The following PTPRD variants were observed in gnomAD, a reference collection of about 807,000 sequenced individuals.
PTPRD encodes protein tyrosine phosphatase receptor type D.
A neutral mutation model predicts 214.5 loss-of-function variants in PTPRD; 34 were observed. The ratio of observed to expected loss-of-function variants is 0.16; its 90% CI spans 0.12 to 0.21. PTPRD has a LOEUF of 0.21. Among genes scored for constraint, PTPRD ranks in the 10% least tolerant of loss-of-function variants. The probability of loss-of-function intolerance (pLI) is 1.00; values close to 1 mark genes in which losing one functional copy is unlikely to be tolerated. For synonymous variants in PTPRD, 1,128 were observed against 845.7 expected (o/e 1.33, Z -5.79); for missense variants, 2,545 against 2,398.7 (o/e 1.06, Z -1.27).
intron 4 of PTPRD, among the ~76,000 whole-genome samples, chr9:9,990,528 G>A (rs1437940677): frequency 2.0e-5 from 3 of 152,312 alleles, no homozygotes; most frequent in Non-Finnish European, 2.9e-5. Flanking sequence ...CAGTGGCCAA[G>A]CAGAGCGGAA....
intron 4 of PTPRD, among the ~76,000 whole-genome samples, chr9:10,014,673 G>A (rs972749922): frequency 6.6e-6 from 1 of 152,010 alleles, no homozygotes; most frequent in African/African-American, 2.4e-5. Context: ...AATGAAACGT[G>A]AAATAAGAAT....
At chr9:10,117,356 G>A (rs563847582) in intron 3 of PTPRD, among the ~76,000 whole-genome samples, 3 of 152,174 alleles carry the variant, frequency 2.0e-5, no homozygotes, top group South Asian at 4.1e-4. Flanking sequence ...TATGGACAAT[G>A]TATTAATTTC....
intron 7 of PTPRD, among the ~76,000 whole-genome samples, chr9:9,646,346 T>TGTGG (rs1564284164): frequency 2.7e-5 from 4 of 145,718 alleles, no homozygotes; most frequent in African/African-American, 1.0e-4. Context: ...TGTGTGTGGG[T>TGTGG]GTGTGTGTGT....
At chr9:8,504,441 A>C in intron 22 of PTPRD, 36 bp from the exon 23 acceptor site, 1 of 1,611,532 alleles carries the variant, frequency 6.2e-7, no homozygotes, top group Non-Finnish European at 8.5e-7. Flanking sequence ...ATCTTCATTA[A>C]GGTTCATGCA....
Position 8,595,823 on chromosome 9 carries a change from G to A in PTPRD, c.352+37494C>T, listed in dbSNP as rs79979689. ...AAGTAATGATGCGTAATCCATGTGT[G>A]TTGACTTTTAAAAATTCCTGCTCTA... is the stretch of plus-strand genomic sequence containing the variant. On this transcript the variant is annotated intron_variant, in intron 14 of 45. Coordinates refer to ENST00000381196, the MANE Select transcript of PTPRD (RefSeq NM_002839.4). 6.6e-3 allele frequency among the ~76,000 whole-genome samples: 1,006 copies of A among 152,288 alleles called. 7 individuals are homozygous for A. The highest frequency in any genetic ancestry group is 0.021 in the African/African-American group (870 of 41,572).
intron 2 of PTPRD, among the ~76,000 whole-genome samples, chr9:10,550,299 C>G (rs1262252945): frequency 1.3e-5 from 2 of 152,086 alleles, no homozygotes; most frequent in Non-Finnish European, 2.9e-5. Context: ...AATTTAGATT[C>G]AGAGGATACA....
At chr9:8,807,061 G>A (rs1211872161) in intron 11 of PTPRD, among the ~76,000 whole-genome samples, 2 of 152,172 alleles carry the variant, frequency 1.3e-5, no homozygotes, top group African/African-American at 2.4e-5. Context: ...AGTAGGCCAG[G>A]CACAGTGGCT....
intron 2 of PTPRD, among the ~76,000 whole-genome samples, chr9:10,453,218 T>C (rs1384034586): frequency 6.6e-6 from 1 of 151,826 alleles, no homozygotes; most frequent in Non-Finnish European, 1.5e-5. Context: ...TTGATTACTA[T>C]AGACTTGTAA....
intron 11 of PTPRD, among the ~76,000 whole-genome samples, chr9:8,814,032 T>A (rs1346613881): frequency 6.6e-6 from 1 of 152,220 alleles, no homozygotes; most frequent in Non-Finnish European, 1.5e-5. Flanking sequence ...TTGCCAGGCA[T>A]GGGCCATGGA....
chr9:10,257,351 G>A (rs936495807), intron 3 of PTPRD, among the ~76,000 whole-genome samples: 4 of 152,132 alleles, frequency 2.6e-5, no homozygotes, highest in African/African-American at 9.7e-5. Context: ...TCTAACTGGA[G>A]AGGAGGTACT....
chr9:8,407,083 C>A lies in PTPRD; in HGVS notation c.4087-2423G>T, dbSNP rs576427702. ...TTCCACTCTTGCCACATGTTTTCAG[C>A]CTTCTGTAGGACTTACTTGATACCT... On this transcript the variant is annotated intron_variant, in intron 35 of 45. Transcript: ENST00000381196. Among the ~76,000 whole-genome samples, 7 of 152,288 alleles carry A rather than the reference C, an allele frequency of 4.6e-5. No individual in the cohort carries two copies. The South Asian group carries it at 1.5e-3, about 32-fold the overall frequency.
At chr9:9,231,077 C>G (rs974405389) in intron 9 of PTPRD, among the ~76,000 whole-genome samples, 2 of 151,972 alleles carry the variant, frequency 1.3e-5, no homozygotes, top group Non-Finnish European at 2.9e-5. Flanking sequence ...AATGGGTGTT[C>G]TAACAAGTTA....
At chr9:9,423,900 T>G (rs751323955) in intron 8 of PTPRD, among the ~76,000 whole-genome samples, 1 of 151,966 alleles carries the variant, frequency 6.6e-6, no homozygotes, top group Non-Finnish European at 1.5e-5. Flanking sequence ...AATGAAAAGG[T>G]CTAACATACT....
chr9:8,657,837 C>T lies in PTPRD; in HGVS notation c.65-20993G>A, dbSNP rs796656129. 9.9e-5 allele frequency among the ~76,000 whole-genome samples: 15 copies of T among 152,254 alleles called. 1 individual carries two copies. Among genetic ancestry groups the T allele is most frequent in the African/African-American group, 3.4e-4 (14 of 41,540 alleles). On this transcript the variant is annotated intron_variant, in intron 12 of 45. Transcript: ENST00000381196. ...CAGTAGTCTCTCACTAAAAGTCTAT[C>T]TAACTAAACTGACTTATTTCCATGA...
chr9:8,829,924 CTA>C (rs2097254706), intron 11 of PTPRD, among the ~76,000 whole-genome samples: 1 of 152,082 alleles, frequency 6.6e-6, no homozygotes, highest in Non-Finnish European at 1.5e-5. Context: ...TCTTCATTAA[CTA>C]TATAATTCTA....
At chr9:9,296,004 GT>G (rs1219871009) in intron 9 of PTPRD, among the ~76,000 whole-genome samples, 1 of 151,728 alleles carries the variant, frequency 6.6e-6, no homozygotes, top group Non-Finnish European at 1.5e-5. Flanking sequence ...GATACCTCAG[GT>G]TTTTTGTTTG....
intron 7 of PTPRD, among the ~76,000 whole-genome samples, chr9:9,671,464 T>C (rs1156291560): frequency 6.6e-6 from 1 of 152,030 alleles, no homozygotes; most frequent in Non-Finnish European, 1.5e-5. Context: ...TGGGGGACTG[T>C]TGGGGAGGCA....
rs138978893 is a variant in PTPRD, at chr9:10,290,407, G to A, written c.-545+50556C>T. Among the ~76,000 whole-genome samples, 800 of 152,162 alleles carry A rather than the reference G, an allele frequency of 5.3e-3. 8 individuals carry two copies. The highest frequency in any genetic ancestry group is 0.018 in the African/African-American group (752 of 41,518). On this transcript the variant is annotated intron_variant, in intron 3 of 45. Coordinates refer to ENST00000381196, the MANE Select transcript of PTPRD (RefSeq NM_002839.4). ...CATGTAAACCCATAAATCAGGTTCCGACTGAAGAAAAAGAATGTCAGACAT... is the reference window on the plus strand; with the variant it reads ...CATGTAAACCCATAAATCAGGTTCCAACTGAAGAAAAAGAATGTCAGACAT...
At chr9:8,934,047 C>T (rs2098972190) in intron 11 of PTPRD, among the ~76,000 whole-genome samples, 1 of 151,898 alleles carries the variant, frequency 6.6e-6, no homozygotes, top group African/African-American at 2.4e-5. Flanking sequence ...TAATTCTATT[C>T]CTCAGGACTC....
Sources: gnomAD v4.1 joint callset for allele counts (sites outside exome capture counted in the v4.1 genomes callset) on GRCh38, gnomAD v4.1.1 for gene constraint, MANE v1.5 for transcripts, NCBI Gene and HGNC (gene_info 2026-07-23, HGNC 2026-07-21) for gene names.